The following RAB12 variants were observed in gnomAD, a reference collection of about 807,000 sequenced individuals.
The protein encoded by RAB12 is RAB12, member RAS oncogene family, also known as ras-related protein Rab-12.
In RAB12, 11 loss-of-function variants were observed where a neutral mutation model predicts 28.4. The ratio of observed to expected loss-of-function variants is 0.39; its 90% CI spans 0.24 to 0.64. The LOEUF (loss-of-function observed/expected upper bound fraction) is 0.64, where lower values mean the gene tolerates loss of function less well. RAB12 is among the 30% of genes least tolerant of loss of function. The pLI, the probability that RAB12 is intolerant of heterozygous loss-of-function variation, is 0.50. For synonymous variants in RAB12, 138 were observed against 145.3 expected (o/e 0.95, Z 0.36); for missense variants, 276 against 351.1 (o/e 0.79, Z 1.71).
chr18:8,619,929 G>A (rs1567893656), intron 1 of RAB12, among the ~76,000 whole-genome samples: 1 of 152,006 alleles, frequency 6.6e-6, no homozygotes, highest in Non-Finnish European at 1.5e-5. Flanking sequence ...AGGATCGCTT[G>A]AGTTTGAGAC....
chr18:8,633,606 A>G (rs1334048013), intron 3 of RAB12, among the ~76,000 whole-genome samples: 7 of 152,192 alleles, frequency 4.6e-5, no homozygotes, highest in Non-Finnish European at 8.8e-5. Context: ...AGCTGCTTTC[A>G]TGGAATAGAT....
Position 8,638,247 on chromosome 18 carries a change from T to G in RAB12, c.1008T>G (p.His336Gln), listed in dbSNP as rs777290251. The stretch of plus-strand genomic sequence containing the variant: ...CAGAACTGCCTCCACCAAGACCACA[T>G]GTCCGATGCTGTTGATTTCCTACTT... ...IPPELPPPRP[H>Q]VRCC The change falls in exon 6 of 6, where the codon CAT becomes CAG. Residue 336 changes from histidine (H) to glutamine (Q), a missense_variant. By Grantham distance (24) the His-to-Gln change is conservative. This residue lies in a region of RAB12 where 127 missense variants were observed against 161.4 expected (regional missense o/e 0.79). Transcript: ENST00000649141. 6.2e-7 allele frequency: 1 copy of G among 1,612,032 alleles called. No individual in the cohort carries two copies. Among genetic ancestry groups the G allele is most frequent in the East Asian group, 2.2e-5 (1 of 44,870 alleles).
chr18:8,635,487 T>C (rs372425118), intron 3 of RAB12, 46 bp from the exon 4 acceptor site: 103 of 1,370,380 alleles, frequency 7.5e-5, no homozygotes, highest in Non-Finnish European at 1.0e-4. Flanking sequence ...TGTCAGTATA[T>C]GGCGATGCCC....
chr18:8,636,104 T>A (rs913002049), intron 4 of RAB12, 149 bp from the exon 5 acceptor site: 1 of 624,990 alleles, frequency 1.6e-6, no homozygotes, highest in Non-Finnish European at 2.9e-6. Context: ...AAGAATTTGC[T>A]ACACTTGTGA....
At chr18:8,624,399 AAG>A (rs1248136308) in intron 1 of RAB12, among the ~76,000 whole-genome samples, 7 of 152,232 alleles carry the variant, frequency 4.6e-5, no homozygotes, top group African/African-American at 1.7e-4. Flanking sequence ...TAATTTGTGT[AAG>A]AGTAAATTTT....
Position 8,609,858 on chromosome 18 carries a change from A to T in RAB12, c.419A>T (p.Gln140Leu). 6.3e-7 allele frequency: 1 copy of T among 1,590,958 alleles called. No homozygotes were observed. The highest frequency in any genetic ancestry group is 8.5e-7 in the Non-Finnish European group (1 of 1,170,328). The change falls in exon 1 of 6, where the codon CAG (glutamine) becomes CTG (leucine). Residue 140 changes from glutamine (Q) to leucine (L), a missense_variant. Around this residue, in one of 4 missense-constraint regions of RAB12, gnomAD observed 76 missense variants for 117.9 expected, o/e 0.64. Transcript: ENST00000649141. Reference sequence around the variant, plus strand: ...CCCAGGCCGGCCGACTTCAAGTTGCAGGTCATCATTATCGGCTCCCGCGGC... The same window carrying T: ...CCCAGGCCGGCCGACTTCAAGTTGCTGGTCATCATTATCGGCTCCCGCGGC... ...QPPRPADFKLQVIIIGSRGVG... is the reference protein window; with the variant it reads ...QPPRPADFKLLVIIIGSRGVG...
At chr18:8,634,847 A>G (rs909572941) in intron 3 of RAB12, among the ~76,000 whole-genome samples, 3 of 152,238 alleles carry the variant, frequency 2.0e-5, no homozygotes, top group Non-Finnish European at 2.9e-5. Flanking sequence ...TAGAACGACA[A>G]GTTAGTTGCT....
At chr18:8,625,205 G>A (rs1366399920) in intron 2 of RAB12, among the ~76,000 whole-genome samples, 1 of 152,250 alleles carries the variant, frequency 6.6e-6, no homozygotes, top group Admixed American at 6.5e-5. Flanking sequence ...ATGGGGAGCA[G>A]TTGTGGACAG....
At chr18:8,623,537 G>C (rs949418516) in intron 1 of RAB12, among the ~76,000 whole-genome samples, 1 of 152,222 alleles carries the variant, frequency 6.6e-6, no homozygotes, top group South Asian at 2.1e-4. Flanking sequence ...GCGCTATTTT[G>C]TGCGTCTTGT....
chr18:8,609,924 CCTT>C lies in RAB12; in HGVS notation c.488_490del (p.Phe163del). ...CTGATGGAGCGCTTCACCGACGACA[CCTT>C]CTGCGAGGCCTGCAAGTCCACCGTG... On this transcript the variant is annotated inframe_deletion, in exon 1 of 6. Coordinates refer to ENST00000649141, the MANE Select transcript of RAB12 (RefSeq NM_001025300.3). 6.2e-7 allele frequency: 1 copy of C among 1,609,374 alleles called. No homozygotes were observed. Among genetic ancestry groups the C allele is most frequent in the Non-Finnish European group, 8.5e-7 (1 of 1,178,252 alleles).
At chr18:8,636,649 T>G (rs1191473730) in intron 5 of RAB12, among the ~76,000 whole-genome samples, 1 of 152,132 alleles carries the variant, frequency 6.6e-6, no homozygotes, top group Non-Finnish European at 1.5e-5. Flanking sequence ...TATTTGACAT[T>G]TGCTTGTTTT....
intron 2 of RAB12, among the ~76,000 whole-genome samples, chr18:8,632,367 C>T (rs1374758764): frequency 6.6e-6 from 1 of 151,314 alleles, no homozygotes; most frequent in East Asian, 1.9e-4. Flanking sequence ...CTGTGGCTGA[C>T]AGTAGTGGCT....
At position 8,639,029 on chromosome 18, in the gene RAB12, G is replaced by T. The variant is rs562906896; in HGVS notation, c.*767G>T. 5.3e-5 allele frequency: 8 copies of T among 152,048 alleles called. No homozygotes were observed. The highest frequency in any genetic ancestry group is 3.9e-4 in the Admixed American group (6 of 15,262). The allele number at this position is 152,048 out of a possible 1,614,324, so 9.4% of individuals were successfully genotyped here. A position where few individuals can be genotyped will look rare whatever the true frequency, so the allele number is the denominator to read the frequency against. On this transcript the variant is annotated 3_prime_UTR_variant, in exon 6 of 6. Coordinates refer to ENST00000649141, the MANE Select transcript of RAB12 (RefSeq NM_001025300.3). ...CTGTTTAAAGGAATTTTAAAGAGAT[G>T]CATTTTACTATATCAAAGAACATAC... is the stretch of plus-strand genomic sequence containing the variant.
intron 1 of RAB12, 34 bp downstream of exon 1, chr18:8,609,987 C>T: frequency 6.4e-7 from 1 of 1,558,226 alleles, no homozygotes; most frequent in Non-Finnish European, 8.8e-7. Context: ...GGCCGGGCCT[C>T]CTGGCGCCCG....
At chr18:8,626,066 GTTTTC>G (rs1290488610) in intron 2 of RAB12, among the ~76,000 whole-genome samples, 46 of 152,040 alleles carry the variant, frequency 3.0e-4, no homozygotes, top group Non-Finnish European at 8.8e-5. Context: ...GTTTTTGTTC[GTTTTC>G]TTTTCTGTTG....
chr18:8,635,464 T>A (rs934110094), intron 3 of RAB12, 69 bp from the exon 4 acceptor site: 33 of 1,122,098 alleles, frequency 2.9e-5, no homozygotes, highest in Non-Finnish European at 4.1e-5. Flanking sequence ...ACTGTATCGG[T>A]TTATATTTCT....
At chr18:8,625,197 G>A (rs1054699774) in intron 2 of RAB12, among the ~76,000 whole-genome samples, 199 bp downstream of exon 2, 1 of 152,360 alleles carries the variant, frequency 6.6e-6, no homozygotes, top group South Asian at 2.1e-4. Flanking sequence ...ACTTGCACAT[G>A]GGGAGCAGTT....
intron 1 of RAB12, among the ~76,000 whole-genome samples, chr18:8,623,360 C>A (rs2096010970): frequency 6.6e-6 from 1 of 152,212 alleles, no homozygotes; most frequent in African/African-American, 2.4e-5. Flanking sequence ...CGTTTGGGGT[C>A]CCTGACTTCC....
At chr18:8,633,084 T>G in intron 2 of RAB12, 105 bp from the exon 3 acceptor site, 1 of 1,450,692 alleles carries the variant, frequency 6.9e-7, no homozygotes, top group Non-Finnish European at 9.6e-7. Flanking sequence ...ACTCTCGTTC[T>G]TTTTTCGCAG....
Sources: gnomAD v4.1 joint callset for allele counts (sites outside exome capture counted in the v4.1 genomes callset) on GRCh38, gnomAD v4.1.1 for gene constraint, gnomAD v4.1.1 regional missense constraint, MANE v1.5 for transcripts, NCBI Gene and HGNC (gene_info 2026-07-23, HGNC 2026-07-21) for gene names.